The following MYO16 variants were observed in gnomAD, a reference collection of about 807,000 sequenced individuals.
MYO16 encodes the protein myosin XVI, also known as unconventional myosin-XVI.
MYO16 carries 94 observed loss-of-function variants against 205.3 expected under a neutral mutation model. The observed-to-expected ratio is 0.46, with a 90% CI of 0.39 to 0.54. The LOEUF (loss-of-function observed/expected upper bound fraction) is 0.54. MYO16 is among the 20% of genes least tolerant of loss of function. The pLI is 0.00. For synonymous variants in MYO16, 988 were observed against 954.0 expected, an observed-to-expected ratio of 1.04 and a Z score of -0.66; for missense variants, 2,315 against 2,387.5, an observed-to-expected ratio of 0.97 and a Z score of 0.63.
intron 15 of MYO16, among the ~76,000 whole-genome samples, chr13:108,908,010 A>G (rs533282314): frequency 2.8e-4 from 43 of 152,342 alleles, no homozygotes; most frequent in African/African-American, 9.6e-4. Flanking sequence ...TTAATTCAAG[A>G]TGAATATTAT....
chr13:109,106,717 A>T (rs541981427), intron 28 of MYO16, among the ~76,000 whole-genome samples: 16 of 152,126 alleles, frequency 1.1e-4, no homozygotes, highest in Non-Finnish European at 1.9e-4. Flanking sequence ...GAACACAGGC[A>T]CTCACACAGC....
chr13:108,805,765 T>C (rs1887093430), intron 6 of MYO16, among the ~76,000 whole-genome samples: 1 of 151,884 alleles, frequency 6.6e-6, no homozygotes, highest in South Asian at 2.1e-4. Flanking sequence ...GCCTTATTTC[T>C]AAACTTAAGA....
chr13:108,968,234 T>C (rs1351283453), intron 20 of MYO16, among the ~76,000 whole-genome samples: 1 of 152,152 alleles, frequency 6.6e-6, no homozygotes, highest in Non-Finnish European at 1.5e-5. Context: ...TGCTCAGTGC[T>C]ATCATGGTCT....
chr13:108,706,435 A>G (rs1420799068), intron 2 of MYO16, among the ~76,000 whole-genome samples: 2 of 152,190 alleles, frequency 1.3e-5, no homozygotes, highest in African/African-American at 4.8e-5. Flanking sequence ...GTTACAAGTA[A>G]CATTTGAAGG....
chr13:108,812,649 C>T (rs549298153), intron 7 of MYO16, among the ~76,000 whole-genome samples: 8 of 152,190 alleles, frequency 5.3e-5, no homozygotes, highest in Admixed American at 3.3e-4. Context: ...TGAGCAACAC[C>T]GTATTTAATG....
intron 4 of MYO16, among the ~76,000 whole-genome samples, chr13:108,782,655 G>A (rs1038738942): frequency 1.3e-5 from 2 of 152,046 alleles, no homozygotes; most frequent in Admixed American, 1.3e-4. Flanking sequence ...CAGGCCCAGA[G>A]GCCCAGGAGG....
chr13:108,589,242 T>C, the MYO16 span, among the ~76,000 whole-genome samples: 1 of 152,216 alleles, frequency 6.6e-6, no homozygotes, highest in Non-Finnish European at 1.5e-5. Flanking sequence ...ACATGTTGAC[T>C]TCTTTATCCT....
intron 4 of MYO16, among the ~76,000 whole-genome samples, chr13:108,754,449 A>G (rs1885355130): frequency 1.3e-5 from 2 of 151,460 alleles, no homozygotes; most frequent in Non-Finnish European, 3.0e-5. Flanking sequence ...TCTCTGACAG[A>G]AAACTATATT....
At chr13:108,504,553 T>G in the MYO16 span, among the ~76,000 whole-genome samples, 1 of 152,010 alleles carries the variant, frequency 6.6e-6, no homozygotes, top group Non-Finnish European at 1.5e-5. Flanking sequence ...TTTTTTACTT[T>G]GAGATGGAGT....
intron 7 of MYO16, among the ~76,000 whole-genome samples, chr13:108,807,690 C>A (rs1887156496): frequency 6.6e-6 from 1 of 152,104 alleles, no homozygotes; most frequent in Non-Finnish European, 1.5e-5. Flanking sequence ...AATTTCTGAG[C>A]CGTCCATTGT....
intron 1 of MYO16, among the ~76,000 whole-genome samples, chr13:108,661,251 A>G (rs897013432): frequency 1.3e-4 from 20 of 152,272 alleles, no homozygotes; most frequent in African/African-American, 4.6e-4. Context: ...TAACCTGATG[A>G]CAATGTGCCT....
intron 12 of MYO16, among the ~76,000 whole-genome samples, chr13:108,874,734 TTA>T (rs1879245315): frequency 6.7e-6 from 1 of 148,732 alleles, no homozygotes; most frequent in Non-Finnish European, 1.5e-5. Flanking sequence ...ATTATTATTA[TTA>T]TATGTGATCT....
At chr13:108,716,075 G>T (rs573297889) in intron 3 of MYO16, among the ~76,000 whole-genome samples, 2 of 151,314 alleles carry the variant, frequency 1.3e-5, no homozygotes, top group Non-Finnish European at 1.5e-5. Flanking sequence ...GGAATATGTG[G>T]TTTTTTCTCT....
intron 23 of MYO16, 144 bp from the exon 24 acceptor site, chr13:109,046,772 G>A (rs1315882660): frequency 3.2e-6 from 2 of 633,330 alleles, no homozygotes; most frequent in Non-Finnish European, 5.6e-6. Flanking sequence ...CTTGGAACTT[G>A]CATGTAACGT....
intron 4 of MYO16, among the ~76,000 whole-genome samples, chr13:108,759,636 A>G (rs1007755812): frequency 2.6e-5 from 4 of 152,192 alleles, no homozygotes; most frequent in Non-Finnish European, 5.9e-5. Context: ...CCTGGCTAAC[A>G]CGGTGAAACC....
At chr13:108,844,269 T>A (rs1438502185) in intron 9 of MYO16, 74 bp from the exon 10 acceptor site, 1 of 1,302,850 alleles carries the variant, frequency 7.7e-7, no homozygotes, top group East Asian at 2.4e-5. Context: ...AGTCCAACTA[T>A]CCTGTATTGG....
intron 16 of MYO16, among the ~76,000 whole-genome samples, chr13:108,944,152 T>C (rs1019112998): frequency 6.6e-6 from 1 of 152,194 alleles, no homozygotes; most frequent in Non-Finnish European, 1.5e-5. Flanking sequence ...TGACCACATA[T>C]AGAGTTAATG....
At chr13:108,741,142 T>A (rs1055594087) in intron 4 of MYO16, among the ~76,000 whole-genome samples, 9 of 152,076 alleles carry the variant, frequency 5.9e-5, no homozygotes, top group African/African-American at 1.9e-4. Context: ...CCCACTGTCC[T>A]GCACCCACCA....
At chr13:108,673,506 T>C (rs975583430) in intron 2 of MYO16, among the ~76,000 whole-genome samples, 3 of 152,142 alleles carry the variant, frequency 2.0e-5, no homozygotes, top group African/African-American at 7.2e-5. Flanking sequence ...TATTTATATC[T>C]CCATTTTATC....
Sources: gnomAD v4.1 joint callset for allele counts (sites outside exome capture counted in the v4.1 genomes callset) on GRCh38, gnomAD v4.1.1 for gene constraint, MANE v1.5 for transcripts, NCBI Gene and HGNC (gene_info 2026-07-23, HGNC 2026-07-21) for gene names.